The following CRPPA variants were observed in gnomAD, a reference collection of about 807,000 sequenced individuals.
CRPPA encodes D-ribitol-5-phosphate cytidylyltransferase.
CRPPA carries 43 observed loss-of-function variants against 52.0 expected under a neutral mutation model. That is an observed-to-expected ratio of 0.83 (90% CI 0.65 to 1.07). The LOEUF is 1.07. CRPPA is among the 50% of genes least tolerant of loss of function. CRPPA has a pLI of 0.00. For synonymous variants in CRPPA, 250 were observed against 203.5 expected, an observed-to-expected ratio of 1.23 and a Z score of -1.94; for missense variants, 629 against 551.7, an observed-to-expected ratio of 1.14 and a Z score of -1.40.
At position 16,376,072 on chromosome 7, in the gene CRPPA, C is replaced by A. The variant is rs781434907; in HGVS notation, c.684+20G>T. 19 of 1,551,096 alleles carry A rather than the reference C, an allele frequency of 1.2e-5. No homozygotes were observed. Among genetic ancestry groups the A allele is most frequent in the East Asian group, 2.4e-5 (1 of 41,272 alleles). ...GAACCTGACATAACAGCAGCTTATTCAAAAAGCCCAAATTCTTACCTGCTG... is the reference window on the plus strand; with the variant it reads ...GAACCTGACATAACAGCAGCTTATTAAAAAAGCCCAAATTCTTACCTGCTG... On this transcript the variant is annotated intron_variant, in intron 3 of 9. Coordinates refer to ENST00000407010, the MANE Select transcript of CRPPA (RefSeq NM_001101426.4).
intron 3 of CRPPA, among the ~76,000 whole-genome samples, chr7:16,368,454 A>G (rs1257828841): frequency 6.6e-6 from 1 of 152,200 alleles, no homozygotes; most frequent in East Asian, 1.9e-4. Context: ...ACACATACGA[A>G]TTTATGTATC....
At chr7:16,311,347 G>C (rs927593462) in intron 3 of CRPPA, among the ~76,000 whole-genome samples, 1 of 151,880 alleles carries the variant, frequency 6.6e-6, no homozygotes, top group Admixed American at 6.6e-5. Flanking sequence ...ACATACCTCC[G>C]GCCCCCACAA....
At chr7:16,230,770 C>A (rs1280693101) in intron 8 of CRPPA, among the ~76,000 whole-genome samples, 1 of 152,176 alleles carries the variant, frequency 6.6e-6, no homozygotes, top group Admixed American at 6.5e-5. Flanking sequence ...CAAGTCTTCA[C>A]AGATAGGGAT....
intron 6 of CRPPA, among the ~76,000 whole-genome samples, chr7:16,260,543 G>A (rs1166738908): frequency 2.0e-5 from 3 of 151,938 alleles, no homozygotes; most frequent in African/African-American, 4.8e-5. Flanking sequence ...TCTTTTCTCT[G>A]ACTCTGTAGT....
At chr7:16,370,899 C>T (rs1404354538) in intron 3 of CRPPA, among the ~76,000 whole-genome samples, 2 of 152,182 alleles carry the variant, frequency 1.3e-5, no homozygotes, top group African/African-American at 4.8e-5. Flanking sequence ...TGCACTCCCA[C>T]AGAAGGGGCA....
At chr7:16,096,973 G>A (rs1781946489) in intron 9 of CRPPA, among the ~76,000 whole-genome samples, 1 of 151,988 alleles carries the variant, frequency 6.6e-6, no homozygotes, top group African/African-American at 2.4e-5. Context: ...TTTATTCTTG[G>A]AGGAAAAACA....
intron 3 of CRPPA, among the ~76,000 whole-genome samples, chr7:16,332,483 T>A (rs960335161): frequency 1.3e-5 from 2 of 152,194 alleles, no homozygotes; most frequent in African/African-American, 4.8e-5. Context: ...TATGCTTATG[T>A]ATAAGTGAAA....
intron 2 of CRPPA, among the ~76,000 whole-genome samples, chr7:16,381,667 G>A (rs1236303272): frequency 1.3e-5 from 2 of 151,792 alleles, no homozygotes; most frequent in South Asian, 2.1e-4. Context: ...TTATGAATCT[G>A]GGTGCTCCTG....
rs35320924 is a variant in CRPPA, at chr7:16,344,405, CAAAA to C, written c.684+31683_684+31686del. On this transcript the variant is annotated intron_variant, in intron 3 of 9. Coordinates refer to ENST00000407010, the MANE Select transcript of CRPPA (RefSeq NM_001101426.4). ...AACATAGCAAGAACCTATCTCTACC[CAAAA>C]AAAAAAAAAAAAAAAAATTAGCTAT... Among the ~76,000 whole-genome samples the C allele has an allele frequency of 8.4e-4, 83 of 99,346 alleles. 1 individual carries two copies. In the East Asian group the frequency reaches 0.016, roughly 19 times the overall value. 65.2% of individuals were successfully genotyped at this position (99,346 alleles called of 152,430 possible).
chr7:16,371,082 G>A (rs1786737133), intron 3 of CRPPA, among the ~76,000 whole-genome samples: 1 of 152,106 alleles, frequency 6.6e-6, no homozygotes, highest in Non-Finnish European at 1.5e-5. Flanking sequence ...GGGGAGCTGA[G>A]GTAGCTCCCA....
chr7:16,396,621 C>A (rs535966307), intron 2 of CRPPA, among the ~76,000 whole-genome samples: 1 of 152,370 alleles, frequency 6.6e-6, no homozygotes, highest in East Asian at 1.9e-4. Flanking sequence ...GATACTTACA[C>A]ATGCATATAT....
At chr7:16,279,738 G>C (rs921060265) in intron 5 of CRPPA, among the ~76,000 whole-genome samples, 1 of 152,140 alleles carries the variant, frequency 6.6e-6, no homozygotes, top group Non-Finnish European at 1.5e-5. Flanking sequence ...CAATCAAAAT[G>C]ATAAGAAGGA....
intron 8 of CRPPA, among the ~76,000 whole-genome samples, chr7:16,253,099 T>A (rs1174648478): frequency 6.6e-6 from 1 of 152,192 alleles, no homozygotes; most frequent in Non-Finnish European, 1.5e-5. Flanking sequence ...TGTGTCTCTA[T>A]CTCCTTCAGT....
chr7:16,309,134 G>T (rs1388171536), intron 3 of CRPPA, among the ~76,000 whole-genome samples: 1 of 151,942 alleles, frequency 6.6e-6, no homozygotes, highest in South Asian at 2.1e-4. Context: ...TTATAAACAT[G>T]GAAAATTTAG....
At chr7:16,409,094 G>T (rs759864002) in intron 1 of CRPPA, among the ~76,000 whole-genome samples, 2 of 152,130 alleles carry the variant, frequency 1.3e-5, no homozygotes, top group Admixed American at 6.5e-5. Context: ...TAGAGATGAG[G>T]TTTCGCCATA....
At chr7:16,318,567 C>G (rs1785195094) in intron 3 of CRPPA, among the ~76,000 whole-genome samples, 1 of 152,162 alleles carries the variant, frequency 6.6e-6, no homozygotes, top group Admixed American at 6.5e-5. Context: ...CTCACTCACA[C>G]AGTTGTATCA....
chr7:16,219,986 AC>A lies in CRPPA; in HGVS notation c.1120-3790del, dbSNP rs1196059098. Among the ~76,000 whole-genome samples, 5 of 144,658 alleles carry A rather than the reference AC, an allele frequency of 3.5e-5. No homozygotes were observed. In the East Asian group the frequency reaches 8.1e-4, roughly 23 times the overall value. 94.9% of individuals were successfully genotyped at this position (144,658 alleles called of 152,430 possible). A position where few individuals can be genotyped will look rare whatever the true frequency, so the allele number is the denominator to read the frequency against. ...GATACCAAAGCCGGGCAGAGACACAACCAAAAAAGAGAATTTTAGACCAATA... is the reference window on the plus strand; with the variant it reads ...GATACCAAAGCCGGGCAGAGACACAACAAAAAAGAGAATTTTAGACCAATA... On this transcript the variant is annotated intron_variant, in intron 8 of 9. Transcript: ENST00000407010.
At chr7:16,374,642 T>A (rs980388507) in intron 3 of CRPPA, among the ~76,000 whole-genome samples, 5 of 152,192 alleles carry the variant, frequency 3.3e-5, no homozygotes, top group African/African-American at 1.2e-4. Flanking sequence ...TCTATCTGCA[T>A]CTTTCTTCAC....
chr7:16,404,902 C>G (rs1458682579), intron 2 of CRPPA, among the ~76,000 whole-genome samples: 1 of 152,136 alleles, frequency 6.6e-6, no homozygotes, highest in African/African-American at 2.4e-5. Context: ...GTTTCACTAC[C>G]TTAAATACCA....
Sources: allele counts gnomAD v4.1 joint callset (sites outside exome capture counted in the v4.1 genomes callset), GRCh38; gene constraint gnomAD v4.1.1; transcripts MANE v1.5; gene names NCBI Gene and HGNC (gene_info 2026-07-23, HGNC 2026-07-21).